Variants in BLACAT1 observed in about 807,000 individuals in gnomAD.
The protein encoded by BLACAT1 is bladder cancer associated transcript 1.
chr1:205,454,069 A>C (rs1426672634), intron 1 of BLACAT1, among the ~76,000 whole-genome samples: 1 of 152,078 alleles, frequency 6.6e-6, no homozygotes, highest in African/African-American at 2.4e-5. Context: ...TTGGAGGAGG[A>C]GGCAGACAGA....
At chr1:205,451,647 A>G (rs976139073) in intron 1 of BLACAT1, among the ~76,000 whole-genome samples, 15 of 152,180 alleles carry the variant, frequency 9.9e-5, no homozygotes, top group African/African-American at 3.4e-4. Flanking sequence ...CACAGAATGG[A>G]GACACTGAGA....
At chr1:205,435,841 G>A (rs976816812), downstream of BLACAT1, 3 of 152,164 alleles carry the variant, frequency 2.0e-5, no homozygotes, top group Non-Finnish European at 4.4e-5. Context: ...GGCTCAAAAG[G>A]GCAGAGACAA....
At chr1:205,447,398 C>T (rs902306444) in intron 1 of BLACAT1, among the ~76,000 whole-genome samples, 10 of 152,142 alleles carry the variant, frequency 6.6e-5, no homozygotes, top group Non-Finnish European at 1.3e-4. Context: ...AGAAACTTGC[C>T]TTCTGATTGT....
At chr1:205,436,315 C>G (rs1184939283), downstream of BLACAT1, 1 of 152,224 alleles carries the variant, frequency 6.6e-6, no homozygotes, top group African/African-American at 2.4e-5. Flanking sequence ...ATGACGACTT[C>G]CTCCAGGGAT....
chr1:205,442,743 G>C (rs2102467263), intron 1 of BLACAT1, among the ~76,000 whole-genome samples: 1 of 152,282 alleles, frequency 6.6e-6, no homozygotes, highest in Admixed American at 6.5e-5. Flanking sequence ...ATAGTTAGCA[G>C]AGAGCAACCT....
chr1:205,447,531 G>A (rs1030892660), intron 1 of BLACAT1, among the ~76,000 whole-genome samples: 2 of 152,078 alleles, frequency 1.3e-5, no homozygotes, highest in East Asian at 1.9e-4. Flanking sequence ...GCCACCTGTT[G>A]GAATCTTCCA....
At chr1:205,454,264 AG>A (rs1028785372) in intron 1 of BLACAT1, among the ~76,000 whole-genome samples, 2 of 152,224 alleles carry the variant, frequency 1.3e-5, no homozygotes, top group African/African-American at 4.8e-5. Flanking sequence ...TCACGTCAGC[AG>A]GACTGTGGTC....
intron 1 of BLACAT1, among the ~76,000 whole-genome samples, chr1:205,454,772 T>A (rs186279897): frequency 1.4e-3 from 220 of 152,008 alleles, no homozygotes; most frequent in African/African-American, 5.2e-3. Context: ...GGGGTTCCCA[T>A]CCCAGCCTCA....
chr1:205,449,178 GCA>G (rs1666453508), intron 1 of BLACAT1, among the ~76,000 whole-genome samples: 1 of 152,222 alleles, frequency 6.6e-6, no homozygotes, highest in Non-Finnish European at 1.5e-5. Flanking sequence ...ATGGGGGTTA[GCA>G]CAGACATCTC....
intron 1 of BLACAT1, among the ~76,000 whole-genome samples, chr1:205,453,685 C>T (rs1353567803): frequency 6.6e-6 from 1 of 152,186 alleles, no homozygotes; most frequent in South Asian, 2.1e-4. Flanking sequence ...CTGGGGGAGT[C>T]TCCGCAGCCT....
At chr1:205,446,043 A>C (rs1666382992) in intron 1 of BLACAT1, among the ~76,000 whole-genome samples, 1 of 152,252 alleles carries the variant, frequency 6.6e-6, no homozygotes, top group African/African-American at 2.4e-5. Context: ...ACTGTAAAAA[A>C]GACTTAGATT....
intron 1 of BLACAT1, among the ~76,000 whole-genome samples, chr1:205,451,219 G>T (rs995885645): frequency 6.6e-6 from 1 of 152,250 alleles, no homozygotes; most frequent in Non-Finnish European, 1.5e-5. Flanking sequence ...CACCTTTGAG[G>T]TCTGAGCTCT....
chr1:205,455,526 T>C (rs1467053450), intron 1 of BLACAT1, among the ~76,000 whole-genome samples: 1 of 151,880 alleles, frequency 6.6e-6, no homozygotes, highest in African/African-American at 2.4e-5. Context: ...CTCCATACCA[T>C]GGGGTATAAA....
rs1241347424 is a variant in BLACAT1, at chr1:205,450,488, A to C, written c.-37+5429T>G. Among the ~76,000 whole-genome samples, 2 of 110,988 alleles carry C rather than the reference A, an allele frequency of 1.8e-5. No individual in the cohort carries two copies. Among genetic ancestry groups the C allele is most frequent in the African/African-American group, 3.6e-5 (1 of 27,566 alleles). The allele number at this position is 110,988 out of a possible 152,430, so 72.8% of individuals were successfully genotyped here. A position where few individuals can be genotyped will look rare whatever the true frequency, so the allele number is the denominator to read the frequency against. ...CTCCGCAGCCCTGGTTCCTCTCCTC[A>C]CCCATACCCCTATTCTGCTCCCACC... On this transcript the variant is annotated intron_variant, in intron 1 of 1. Transcript: ENST00000629624. This position sits in a 1 kb window ranked among gnomAD's most constrained non-coding sequence, Gnocchi z 4.4.
chr1:205,444,692 A>G (rs1666352992), intron 1 of BLACAT1, among the ~76,000 whole-genome samples: 1 of 152,168 alleles, frequency 6.6e-6, no homozygotes, highest in South Asian at 2.1e-4. Flanking sequence ...AGGTGTCTCG[A>G]ATTTTGGCAA....
intron 1 of BLACAT1, among the ~76,000 whole-genome samples, chr1:205,443,629 G>A (rs1487101356): frequency 2.6e-5 from 4 of 152,140 alleles, no homozygotes; most frequent in African/African-American, 9.7e-5. Context: ...ATCATAAACA[G>A]GGCCTGGTTA....
chr1:205,441,400 G>A lies in BLACAT1; in HGVS notation c.-36-338C>T, dbSNP rs779301248. Among the ~76,000 whole-genome samples, 1 of 152,152 alleles carries A rather than the reference G, an allele frequency of 6.6e-6. No homozygotes were observed. The highest frequency in any genetic ancestry group is 1.5e-5 in the Non-Finnish European group (1 of 68,030). Reference sequence around the variant, plus strand: ...CCTCATCACCATATACCTGTGGTTGGGGAACAGGAAGCAAGCTGGCTTAAA... The same window carrying A: ...CCTCATCACCATATACCTGTGGTTGAGGAACAGGAAGCAAGCTGGCTTAAA... On this transcript the variant is annotated intron_variant, in intron 1 of 1. Coordinates refer to ENST00000629624, the Ensembl canonical transcript of BLACAT1. The surrounding 1 kb of genome is among the most constrained non-coding windows in gnomAD (Gnocchi z 4.3).
At chr1:205,446,231 C>T (rs1381142547) in intron 1 of BLACAT1, among the ~76,000 whole-genome samples, 1 of 152,182 alleles carries the variant, frequency 6.6e-6, no homozygotes, top group Non-Finnish European at 1.5e-5. Flanking sequence ...TGGCAGTAGC[C>T]AAGAGACAAA....
exon 2 of BLACAT1, among the ~76,000 whole-genome samples, chr1:205,440,076 GAAGAAA>G (rs1666268033): frequency 6.6e-6 from 1 of 152,074 alleles, no homozygotes; most frequent in Admixed American, 6.5e-5. Context: ...TCTGAGGAGA[GAAGAAA>G]AAGGCAGGGG....
Sources: gnomAD v4.1 joint callset for allele counts (sites outside exome capture counted in the v4.1 genomes callset) on GRCh38, gnomAD v4.1.1 for gene constraint, Gnocchi (gnomAD v3.1) non-coding constraint, MANE v1.5 for transcripts, NCBI Gene and HGNC (gene_info 2026-07-23, HGNC 2026-07-21) for gene names.